Variants in COL25A1 observed in about 807,000 individuals in gnomAD.
COL25A1 encodes the protein collagen type XXV alpha 1 chain.
COL25A1 carries 103 observed loss-of-function variants against 128.4 expected under a neutral mutation model. That is an observed-to-expected ratio of 0.80 (90% confidence interval 0.68 to 0.94). The LOEUF (loss-of-function observed/expected upper bound fraction) is 0.94, where lower values mean the gene tolerates loss of function less well. Ranked by LOEUF, COL25A1 falls within the 40% of genes least tolerant of loss-of-function variation. The pLI, the probability that COL25A1 is intolerant of heterozygous loss-of-function variation, is 0.00. For synonymous variants in COL25A1, 279 were observed against 277.2 expected, an observed-to-expected ratio of 1.01 and a Z score of -0.06; for missense variants, 745 against 840.0, an observed-to-expected ratio of 0.89 and a Z score of 1.40.
Position 109,198,294 on chromosome 4 carries a change from TCACACACA to T in COL25A1, c.367+102281_367+102288del, listed in dbSNP as rs112993547. Among the ~76,000 whole-genome samples, 9 of 144,048 alleles carry T rather than the reference TCACACACA, an allele frequency of 6.2e-5. No individual in the cohort carries two copies. The South Asian group carries it at 7.0e-4, about 11-fold the overall frequency. 94.5% of individuals were successfully genotyped at this position (144,048 alleles called of 152,430 possible). ...ACCACATCAGACTCTGCATATTCAT[TCACACACA>T]CACACACACACACACACACACACAC... On this transcript the variant is annotated intron_variant, in intron 3 of 37. Transcript: ENST00000399132.
rs955696469 is a variant in COL25A1 at position 108,813,117 on chromosome 4, T to C, written c.*810A>G. ...GGAGGCTGAATCGGTCCTCTTCCCA[T>C]GTCTTCACTGCCAAGGGCAGCCCAA... On this transcript the variant is annotated 3_prime_UTR_variant, in exon 38 of 38. Transcript: ENST00000399132. The C allele has an allele frequency of 6.6e-6, 1 of 152,286 alleles. No individual in the cohort carries two copies. The highest frequency in any genetic ancestry group is 2.4e-5 in the African/African-American group (1 of 41,476). 9.4% of individuals were successfully genotyped at this position (152,286 alleles called of 1,614,324 possible). A position where few individuals can be genotyped will look rare whatever the true frequency, so the allele number is the denominator to read the frequency against.
In COL25A1 at chr4:109,302,263, G is replaced by C; in HGVS notation, c.-151C>G. 2.0e-6 allele frequency: 1 copy of C among 510,290 alleles called. No individual in the cohort carries two copies. The highest frequency in any genetic ancestry group is 3.4e-6 in the Non-Finnish European group (1 of 296,402). 31.6% of individuals were successfully genotyped at this position (510,290 alleles called of 1,614,324 possible). ...AAGTGAAAAGCACCCTCCGTCCGGG[G>C]ACTGGGTGGCGGTGGGGTAAAAAGC... is the stretch of plus-strand genomic sequence containing the variant. On this transcript the variant is annotated 5_prime_UTR_variant, in exon 1 of 38. Coordinates refer to ENST00000399132, the MANE Select transcript of COL25A1 (RefSeq NM_198721.4).
rs529105507 is a variant in COL25A1, at chr4:108,974,412, A to G, written c.466-19T>C. On this transcript the variant is annotated intron_variant, in intron 7 of 37. Transcript: ENST00000399132. ...GTTCTCCCTGTAGAATAGAAAGGTG[A>G]GATAACAGTTTTAGCCAAAATTTAT... 1.4e-5 allele frequency: 22 copies of G among 1,613,952 alleles called. No homozygotes were observed. The African/African-American group carries it at 1.6e-4, about 12-fold the overall frequency.
chr4:108,846,905 A>ATTT (rs36023184), intron 27 of COL25A1, among the ~76,000 whole-genome samples: 12 of 131,784 alleles, frequency 9.1e-5, no homozygotes, highest in Non-Finnish European at 9.4e-5. Context: ...GAATTTTGTA[A>ATTT]TTTTTTTTTT....
chr4:108,890,351 TACAGGATGATGGATG>T (rs1166532079), intron 16 of COL25A1, among the ~76,000 whole-genome samples: 2 of 152,204 alleles, frequency 1.3e-5, no homozygotes, highest in African/African-American at 4.8e-5. Flanking sequence ...ACCAGGAAGT[TACAGGATGATGGATG>T]ACTTGTGGGT....
At chr4:109,047,802 G>A (rs892176345) in intron 5 of COL25A1, among the ~76,000 whole-genome samples, 5 of 143,354 alleles carry the variant, frequency 3.5e-5, no homozygotes, top group East Asian at 4.1e-4. Context: ...GCATGATCTC[G>A]GCTCACTGCA....
intron 3 of COL25A1, among the ~76,000 whole-genome samples, chr4:109,216,498 C>T (rs1778009304): frequency 6.6e-6 from 1 of 152,060 alleles, no homozygotes; most frequent in Non-Finnish European, 1.5e-5. Context: ...ATGATGTCAT[C>T]CTGGATTAGA....
intron 13 of COL25A1, among the ~76,000 whole-genome samples, chr4:108,916,942 G>A (rs1468865825): frequency 1.3e-5 from 2 of 152,168 alleles, no homozygotes; most frequent in Non-Finnish European, 2.9e-5. Flanking sequence ...GGAACACAGA[G>A]CCTCTTAAAA....
At chr4:109,210,154 G>A (rs1777380483) in intron 3 of COL25A1, among the ~76,000 whole-genome samples, 2 of 145,700 alleles carry the variant, frequency 1.4e-5, no homozygotes, top group Admixed American at 1.4e-4. Context: ...GAAAAGGGAG[G>A]GTGCAACATA....
chr4:109,226,698 GAA>G (rs1163028663), intron 3 of COL25A1, among the ~76,000 whole-genome samples: 1 of 151,812 alleles, frequency 6.6e-6, no homozygotes, highest in Admixed American at 6.6e-5. Flanking sequence ...TAATTCTGGG[GAA>G]CAAAATAATT....
intron 8 of COL25A1, among the ~76,000 whole-genome samples, chr4:108,950,478 T>C (rs1749282046): frequency 6.6e-6 from 1 of 152,208 alleles, no homozygotes; most frequent in South Asian, 2.1e-4. Context: ...CCCTTCTGGC[T>C]AGCCACTCTC....
intron 6 of COL25A1, among the ~76,000 whole-genome samples, chr4:108,979,979 G>A (rs773233244): frequency 2.6e-5 from 4 of 152,192 alleles, no homozygotes; most frequent in Admixed American, 6.5e-5. Context: ...CAGGCCCGGG[G>A]GGAAGGGATG....
chr4:109,060,681 A>C (rs958666792), intron 3 of COL25A1, among the ~76,000 whole-genome samples: 1 of 144,282 alleles, frequency 6.9e-6, no homozygotes, highest in Admixed American at 6.6e-5. Flanking sequence ...ACTCAGACTC[A>C]ATTTTCAAAA....
intron 29 of COL25A1, 47 bp from the exon 30 acceptor site, chr4:108,844,616 A>T: frequency 6.3e-7 from 1 of 1,581,228 alleles, no homozygotes; most frequent in Non-Finnish European, 8.6e-7. Context: ...TCATTTAGAT[A>T]AGGCAGTTCA....
chr4:108,866,453 A>T (rs368851280), intron 20 of COL25A1, among the ~76,000 whole-genome samples: 1 of 152,146 alleles, frequency 6.6e-6, no homozygotes, highest in African/African-American at 2.4e-5. Flanking sequence ...TCAGCCTCCC[A>T]AAGTGCTGGG....
intron 5 of COL25A1, among the ~76,000 whole-genome samples, chr4:109,016,653 C>T (rs1482537399): frequency 6.6e-6 from 1 of 152,274 alleles, no homozygotes; most frequent in Non-Finnish European, 1.5e-5. Context: ...GGAGCTACCA[C>T]TCTGGGTCTT....
chr4:108,817,881 T>C (rs1257857990), intron 36 of COL25A1, among the ~76,000 whole-genome samples: 2 of 152,194 alleles, frequency 1.3e-5, no homozygotes, highest in African/African-American at 4.8e-5. Context: ...ACCATTTCTA[T>C]CTGAAGTTTA....
intron 3 of COL25A1, among the ~76,000 whole-genome samples, chr4:109,094,547 C>T (rs550579128): frequency 6.6e-6 from 1 of 152,286 alleles, no homozygotes; most frequent in Admixed American, 6.5e-5. Flanking sequence ...GAATCGTCTA[C>T]CCCCTTCTTG....
At chr4:108,998,473 A>G in intron 6 of COL25A1, among the ~76,000 whole-genome samples, 1 of 152,360 alleles carries the variant, frequency 6.6e-6, no homozygotes, top group East Asian at 1.9e-4. Flanking sequence ...AGATGACACA[A>G]ACAAATGGAA....
Sources: gnomAD v4.1 joint callset for allele counts (sites outside exome capture counted in the v4.1 genomes callset) on GRCh38, gnomAD v4.1.1 for gene constraint, MANE v1.5 for transcripts, NCBI Gene and HGNC (gene_info 2026-07-23, HGNC 2026-07-21) for gene names.